The following PSMA6 variants were observed in gnomAD, a reference collection of about 807,000 sequenced individuals.
PSMA6 encodes the protein proteasome 20S subunit alpha 6.
For missense variants in PSMA6, 170 were observed against 294.8 expected (o/e 0.58, Z 3.10); for synonymous variants, 88 against 97.7 (o/e 0.90, Z 0.59).
chr14:35,309,051 T>G, intron 3 of PSMA6, 56 bp downstream of exon 3: 1 of 1,286,428 alleles, frequency 7.8e-7, no homozygotes, highest in South Asian at 1.3e-5. Flanking sequence ...TTTTGTTATT[T>G]TCTTCAAATT....
intron 1 of PSMA6, among the ~76,000 whole-genome samples, chr14:35,306,245 T>C (rs2051824649): frequency 6.6e-6 from 1 of 151,054 alleles, no homozygotes; most frequent in African/African-American, 2.4e-5. Flanking sequence ...CACCAAAATA[T>C]GTGTCTATTA....
chr14:35,280,071 G>A (rs1302739339), intron 1 of PSMA6, among the ~76,000 whole-genome samples: 2 of 151,522 alleles, frequency 1.3e-5, no homozygotes, highest in Non-Finnish European at 2.9e-5. Flanking sequence ...CTTGCAGTGA[G>A]CCGAGATCGC....
At chr14:35,295,448 C>CT (rs762364057) in intron 1 of PSMA6, among the ~76,000 whole-genome samples, 178 of 140,628 alleles carry the variant, frequency 1.3e-3, no homozygotes, top group Middle Eastern at 3.7e-3. Context: ...AAGACTTTTT[C>CT]TTTTTTTTTT....
intron 6 of PSMA6, chr14:35,316,679 A>C (rs1384429695): frequency 6.6e-6 from 1 of 152,418 alleles, no homozygotes; most frequent in African/African-American, 2.4e-5. Context: ...CAGCCTGTCC[A>C]ATATGGTGAA....
At chr14:35,310,405 C>G in intron 3 of PSMA6, 1 of 350,902 alleles carries the variant, frequency 2.8e-6, no homozygotes, top group South Asian at 2.2e-5. Flanking sequence ...ATCCGCCTCT[C>G]TTGGCCTCCC....
chr14:35,292,406 G>T lies in PSMA6; in HGVS notation c.-71G>T. The stretch of plus-strand genomic sequence containing the variant: ...CGGAAGCAGTCGCTGCAACTTCCGG[G>T]AGGTGCTTGTGTGCCTGGTGCGGGA... On this transcript the variant is annotated 5_prime_UTR_variant, in exon 1 of 7. Transcript: ENST00000261479. 1 of 1,558,276 alleles carries T rather than the reference G, an allele frequency of 6.4e-7. No homozygotes were observed. The highest frequency in any genetic ancestry group is 8.7e-7 in the Non-Finnish European group (1 of 1,153,476).
At chr14:35,278,902 A>G (rs1283715788) in intron 1 of PSMA6, among the ~76,000 whole-genome samples, 1 of 151,704 alleles carries the variant, frequency 6.6e-6, no homozygotes, top group Non-Finnish European at 1.5e-5. Context: ...GTACGTATAT[A>G]TTTTTCTATG....
intron 4 of PSMA6, among the ~76,000 whole-genome samples, chr14:35,311,294 G>A (rs927568934): frequency 2.0e-5 from 3 of 152,190 alleles, no homozygotes; most frequent in Non-Finnish European, 4.4e-5. Flanking sequence ...ACACAGGTGT[G>A]TAATTCACAT....
chr14:35,282,719 G>T (rs1369533487), intron 1 of PSMA6, among the ~76,000 whole-genome samples: 3 of 151,972 alleles, frequency 2.0e-5, no homozygotes, highest in Admixed American at 6.5e-5. Context: ...GCTGGGCACG[G>T]TGGCATGTGC....
At chr14:35,282,454 T>C (rs2051376020) in intron 1 of PSMA6, among the ~76,000 whole-genome samples, 1 of 151,802 alleles carries the variant, frequency 6.6e-6, no homozygotes, top group Admixed American at 6.6e-5. Context: ...ACAGACAGGG[T>C]CTCACTATGT....
At chr14:35,278,723 G>C in intron 1 of PSMA6, 1 of 1,534,344 alleles carries the variant, frequency 6.5e-7, no homozygotes. Flanking sequence ...GGAGAGGTAA[G>C]TCCCTCACTC....
chr14:35,283,350 G>T (rs1257905650), intron 1 of PSMA6, among the ~76,000 whole-genome samples: 1 of 140,034 alleles, frequency 7.1e-6, no homozygotes, highest in Admixed American at 7.4e-5. Flanking sequence ...AACACAGGGA[G>T]ACCCTATCTC....
At chr14:35,300,261 G>C in intron 1 of PSMA6, among the ~76,000 whole-genome samples, 1 of 152,210 alleles carries the variant, frequency 6.6e-6, no homozygotes, top group East Asian at 1.9e-4. Flanking sequence ...TTGAGGCCAG[G>C]AGTTCGAAAC....
At position 35,317,315 on chromosome 14, in the gene PSMA6, G is replaced by A. The variant is rs761458100; in HGVS notation, c.*9G>A. The stretch of plus-strand genomic sequence containing the variant: ...TAGCAGAGAGAGACTAAACATTGTC[G>A]TTAGTTTACCAGATCCGTGATGCCA... On this transcript the variant is annotated 3_prime_UTR_variant, in exon 7 of 7. Transcript: ENST00000261479. 120 of 1,600,724 alleles carry A rather than the reference G, an allele frequency of 7.5e-5. No individual in the cohort carries two copies. The highest frequency in any genetic ancestry group is 9.5e-5 in the Non-Finnish European group (111 of 1,169,448).
At chr14:35,309,110 C>A in intron 3 of PSMA6, 115 bp downstream of exon 3, 1 of 776,320 alleles carries the variant, frequency 1.3e-6, no homozygotes, top group Non-Finnish European at 2.1e-6. Context: ...TTTTCAAGTG[C>A]CATGAGTGGA....
chr14:35,284,932 C>A (rs560223517), intron 1 of PSMA6, among the ~76,000 whole-genome samples: 2 of 152,134 alleles, frequency 1.3e-5, no homozygotes, highest in Non-Finnish European at 2.9e-5. Flanking sequence ...TGTTTCAGTG[C>A]CTAAATCTGC....
chr14:35,313,954 G>C (rs1042287726), intron 5 of PSMA6: 1 of 153,518 alleles, frequency 6.5e-6, no homozygotes, highest in African/African-American at 2.4e-5. Flanking sequence ...GTGAGACTCT[G>C]CCTCAAAAAA....
chr14:35,304,718 C>G (rs2051789665), intron 1 of PSMA6, among the ~76,000 whole-genome samples: 1 of 141,142 alleles, frequency 7.1e-6, no homozygotes, highest in Admixed American at 7.2e-5. Flanking sequence ...CAGAGTGAAA[C>G]TCCATCTCAA....
intron 6 of PSMA6, chr14:35,315,610 G>C (rs2052029311): frequency 6.6e-6 from 1 of 151,262 alleles, no homozygotes; most frequent in Admixed American, 6.6e-5. Context: ...ATCTATCCTA[G>C]CTTTTCTTCC....
Sources: allele counts gnomAD v4.1 joint callset (sites outside exome capture counted in the v4.1 genomes callset), GRCh38; gene constraint gnomAD v4.1.1; transcripts MANE v1.5; gene names NCBI Gene and HGNC (gene_info 2026-07-23, HGNC 2026-07-21).